UQCC1: variants seen among roughly 807,000 people sequenced by gnomAD.
UQCC1 encodes the protein bFGF-repressed Zic-binding protein.
Under a neutral mutation model 48.0 loss-of-function variants are expected in UQCC1, and 38 were observed. The ratio of observed to expected loss-of-function variants is 0.79; its 90% CI spans 0.61 to 1.04. The LOEUF (loss-of-function observed/expected upper bound fraction) is 1.04. UQCC1 is among the 50% of genes least tolerant of loss of function. UQCC1 has a pLI of 0.00. For missense variants in UQCC1, 368 were observed against 381.8 expected (o/e 0.96, Z 0.30); for synonymous variants, 111 against 129.2 (o/e 0.86, Z 0.95).
intron 1 of UQCC1, among the ~76,000 whole-genome samples, chr20:35,396,552 T>A (rs1398388322): frequency 6.6e-6 from 1 of 152,124 alleles, no homozygotes; most frequent in Non-Finnish European, 1.5e-5. Context: ...GCTGAGATCA[T>A]CATCATCCCC....
chr20:35,327,029 C>T (rs1168214836), intron 7 of UQCC1, among the ~76,000 whole-genome samples: 2 of 152,166 alleles, frequency 1.3e-5, no homozygotes, highest in Non-Finnish European at 1.5e-5. Flanking sequence ...CCTTTCCCAG[C>T]GATCCTAAAA....
intron 5 of UQCC1, among the ~76,000 whole-genome samples, chr20:35,369,879 G>A (rs2061710323): frequency 1.3e-5 from 2 of 152,136 alleles, no homozygotes; most frequent in South Asian, 4.1e-4. Context: ...GACTCAGAAT[G>A]TATTCATTAA....
intron 7 of UQCC1, among the ~76,000 whole-genome samples, chr20:35,338,874 A>ATATATAT (rs1568666053): frequency 1.5e-4 from 9 of 58,432 alleles, no homozygotes; most frequent in African/African-American, 1.2e-3. Flanking sequence ...AAAAAAAAAA[A>ATATATAT]AAAAAAAAAA....
intron 4 of UQCC1, among the ~76,000 whole-genome samples, chr20:35,376,327 T>C (rs2061799817): frequency 6.6e-6 from 1 of 151,764 alleles, no homozygotes; most frequent in East Asian, 1.9e-4. Context: ...ATCAATAAAA[T>C]TGATAACCTA....
At chr20:35,392,364 C>T in intron 2 of UQCC1, 1 of 1,107,608 alleles carries the variant, frequency 9.0e-7, no homozygotes, top group South Asian at 1.3e-5. Context: ...TACATCTGGT[C>T]AGCATGAGAT....
At chr20:35,346,554 T>A (rs1272820770) in intron 7 of UQCC1, 1 of 160,858 alleles carries the variant, frequency 6.2e-6, no homozygotes, top group Non-Finnish European at 1.4e-5. Flanking sequence ...CACACTATGA[T>A]CTGTATAACC....
chr20:35,349,860 C>T (rs2061471389), intron 6 of UQCC1, among the ~76,000 whole-genome samples: 1 of 151,968 alleles, frequency 6.6e-6, no homozygotes, highest in African/African-American at 2.4e-5. Context: ...AGTCAGGTGC[C>T]GTGGTGCATG....
chr20:35,344,304 A>C (rs1462136844), intron 7 of UQCC1: 3 of 152,352 alleles, frequency 2.0e-5, no homozygotes, highest in African/African-American at 7.2e-5. Context: ...AGAGAGATGG[A>C]GGTCCAGAAG....
intron 1 of UQCC1, among the ~76,000 whole-genome samples, chr20:35,408,522 G>A (rs2062286746): frequency 6.6e-6 from 1 of 152,172 alleles, no homozygotes; most frequent in Admixed American, 6.5e-5. Context: ...ATGTAAAACA[G>A]TGTATCTGCT....
At chr20:35,380,317 T>A (rs1600982914) in intron 4 of UQCC1, among the ~76,000 whole-genome samples, 3 of 152,170 alleles carry the variant, frequency 2.0e-5, no homozygotes, top group Admixed American at 6.5e-5. Context: ...AACTAATATT[T>A]CATTGGCAAT....
intron 7 of UQCC1, chr20:35,344,448 T>C (rs1055998262): frequency 2.0e-5 from 3 of 152,242 alleles, no homozygotes; most frequent in African/African-American, 7.2e-5. Flanking sequence ...CAACAGAGTT[T>C]AGTCAACAAT....
rs185328375 is a variant in UQCC1 at position 35,334,394 on chromosome 20, T to A, written c.573+12770A>T. Among the ~76,000 whole-genome samples the A allele has an allele frequency of 2.6e-4, 40 of 152,272 alleles. No individual in the cohort carries two copies. The East Asian group carries it at 7.3e-3, about 28-fold the overall frequency. ...TCTGCATTTACCATTGCAGGAGAAGTAAGAATGTCACCAAACAAAGCCAAA... is the reference window on the plus strand; with the variant it reads ...TCTGCATTTACCATTGCAGGAGAAGAAAGAATGTCACCAAACAAAGCCAAA... On this transcript the variant is annotated intron_variant, in intron 7 of 9. Transcript: ENST00000374385.
At chr20:35,324,561 T>C (rs6120902) in intron 7 of UQCC1, among the ~76,000 whole-genome samples, 7,231 of 152,208 alleles carry the variant, frequency 0.048, 259 homozygotes, top group African/African-American at 0.098. Context: ...CTCCTGACCT[T>C]GTGATCTGCC....
At chr20:35,320,392 T>C (rs1439731101) in intron 7 of UQCC1, among the ~76,000 whole-genome samples, 2 of 152,202 alleles carry the variant, frequency 1.3e-5, no homozygotes, top group Non-Finnish European at 2.9e-5. Flanking sequence ...AAGTTAAAGC[T>C]AGACAGCTAG....
At chr20:35,341,995 C>G (rs369402314) in intron 7 of UQCC1, among the ~76,000 whole-genome samples, 3 of 152,228 alleles carry the variant, frequency 2.0e-5, no homozygotes, top group East Asian at 1.9e-4. Context: ...CCTTACAAAG[C>G]AAAATGGTGG....
rs1568641775 is a variant in UQCC1, at chr20:35,303,954, T to C, written c.881A>G (p.Tyr294Cys). The C allele has an allele frequency of 6.2e-7, 1 of 1,614,196 alleles. No individual in the cohort carries two copies. The highest frequency in any genetic ancestry group is 1.1e-5 in the South Asian group (1 of 91,082). Residue 294 changes from tyrosine (Y) to cysteine (C), a missense_variant, in exon 10 of 10, where the codon TAC becomes TGC. Tyr to Cys is a radical substitution (Grantham distance 194, BLOSUM62 -2). Coordinates refer to ENST00000374385, the MANE Select transcript of UQCC1 (RefSeq NM_018244.5). ...AGCCCATCAAAGTCCCTCGTCGTTG[T>C]AAGTCGGAGAATGGGGCTTCAGGAT... ...QSILKPHSPT[Y>C]NDEGL
chr20:35,399,394 C>G (rs1238685328), intron 1 of UQCC1, among the ~76,000 whole-genome samples: 4 of 152,196 alleles, frequency 2.6e-5, no homozygotes, highest in Admixed American at 2.6e-4. Flanking sequence ...CTGGACCCCT[C>G]TAAACTCATA....
At chr20:35,386,400 A>G (rs1418498099) in intron 2 of UQCC1, 6 of 435,770 alleles carry the variant, frequency 1.4e-5, no homozygotes, top group Non-Finnish European at 2.7e-5. Flanking sequence ...CTAACGAAGA[A>G]AAAATAGAAT....
intron 7 of UQCC1, among the ~76,000 whole-genome samples, chr20:35,343,769 C>A (rs980022623): frequency 8.5e-5 from 13 of 152,198 alleles, no homozygotes; most frequent in African/African-American, 2.4e-4. Context: ...CTACCCCACC[C>A]TGCGTCACTA....
Sources: allele counts gnomAD v4.1 joint callset (sites outside exome capture counted in the v4.1 genomes callset), GRCh38; gene constraint gnomAD v4.1.1; transcripts MANE v1.5; gene names NCBI Gene and HGNC (gene_info 2026-07-23, HGNC 2026-07-21).